Variants in ANKRD36 observed in about 807,000 individuals in gnomAD.
ANKRD36 encodes the protein ankyrin repeat domain 36.
In ANKRD36, 179 loss-of-function variants were observed where a neutral mutation model predicts 278.1. The ratio of observed to expected loss-of-function variants is 0.64; its 90% CI spans 0.57 to 0.73. The LOEUF is 0.73. Among genes scored for constraint, ANKRD36 ranks in the 30% least tolerant of loss-of-function variants. The pLI is 0.00. For missense variants in ANKRD36, 1,159 were observed against 1,956.7 expected (o/e 0.59, Z 7.69); for synonymous variants, 320 against 641.1 (o/e 0.50, Z 7.57).
At chr2:97,179,033 G>A (rs966432722) in intron 22 of ANKRD36, among the ~76,000 whole-genome samples, 8 of 151,392 alleles carry the variant, frequency 5.3e-5, no homozygotes, top group Middle Eastern at 3.2e-3. Context: ...GTCAAATTTG[G>A]TAATTTATTA....
intron 5 of ANKRD36, among the ~76,000 whole-genome samples, chr2:97,125,981 C>T (rs1468950720): frequency 6.9e-6 from 1 of 145,528 alleles, no homozygotes; most frequent in African/African-American, 2.5e-5. Flanking sequence ...TTTGCAGTCA[C>T]GGGAAGGTCA....
intron 24 of ANKRD36, among the ~76,000 whole-genome samples, chr2:97,180,298 A>G (rs183611797): frequency 6.6e-6 from 1 of 151,606 alleles, no homozygotes; most frequent in Admixed American, 6.6e-5. Context: ...TCATATTGTT[A>G]TCAACAGAGG....
intron 32 of ANKRD36, 57 bp downstream of exon 32, chr2:97,187,458 C>G (rs1233170295): frequency 5.1e-6 from 5 of 989,808 alleles, no homozygotes; most frequent in Admixed American, 2.5e-5. Flanking sequence ...AAGAACTTCT[C>G]TACCCCTAAT....
intron 64 of ANKRD36, among the ~76,000 whole-genome samples, chr2:97,218,369 G>A (rs1282705859): frequency 6.9e-6 from 1 of 144,526 alleles, no homozygotes; most frequent in Non-Finnish European, 1.5e-5. Flanking sequence ...CTTTTTGATG[G>A]GGTTTATATA....
intron 38 of ANKRD36, among the ~76,000 whole-genome samples, chr2:97,193,518 G>A (rs1325818041): frequency 9.0e-4 from 116 of 128,570 alleles, no homozygotes; most frequent in Non-Finnish European, 1.7e-3. Flanking sequence ...GGATTGTGAG[G>A]CAGGAAGGTG....
intron 68 of ANKRD36, among the ~76,000 whole-genome samples, chr2:97,235,464 C>A (rs2073415426): frequency 7.0e-6 from 1 of 142,536 alleles, no homozygotes; most frequent in Non-Finnish European, 1.5e-5. Flanking sequence ...GTCAAACCAC[C>A]TTAAGTTGGG....
chr2:97,203,087 G>T (rs1248983747), intron 48 of ANKRD36, among the ~76,000 whole-genome samples: 10 of 151,806 alleles, frequency 6.6e-5, no homozygotes, highest in Non-Finnish European at 1.5e-5. Flanking sequence ...ATGTTTTGTT[G>T]ATTTTAGTTA....
intron 67 of ANKRD36, among the ~76,000 whole-genome samples, chr2:97,231,467 C>T (rs1342555796): frequency 5.3e-5 from 8 of 152,154 alleles, no homozygotes; most frequent in African/African-American, 1.7e-4. Flanking sequence ...CCTGGTGTGC[C>T]GTTTTTTAAG....
intron 57 of ANKRD36, 28 bp downstream of exon 57, chr2:97,211,602 A>G: frequency 1.9e-6 from 3 of 1,605,544 alleles, no homozygotes; most frequent in East Asian, 2.3e-5. Flanking sequence ...TATATTTTGA[A>G]CTATTAACTG....
At chr2:97,209,224 G>T (rs1321387403) in intron 54 of ANKRD36, among the ~76,000 whole-genome samples, 7 of 146,630 alleles carry the variant, frequency 4.8e-5, no homozygotes, top group Non-Finnish European at 3.0e-5. Context: ...TTGTAATTGT[G>T]TGCCTTCTCA....
At chr2:97,199,908 C>T (rs1246810302) in intron 44 of ANKRD36, among the ~76,000 whole-genome samples, 1 of 151,876 alleles carries the variant, frequency 6.6e-6, no homozygotes, top group Non-Finnish European at 1.5e-5. Context: ...AGTTAAAGAG[C>T]ATGATGAATG....
chr2:97,179,326 G>A (rs2123122), intron 22 of ANKRD36, among the ~76,000 whole-genome samples: 43 of 151,712 alleles, frequency 2.8e-4, no homozygotes, highest in African/African-American at 9.2e-4. Flanking sequence ...GCAGTAAAAT[G>A]TTCCAAATCA....
chr2:97,185,133 T>G (rs914689226), intron 28 of ANKRD36, among the ~76,000 whole-genome samples, 183 bp from the exon 29 acceptor site: 2 of 151,828 alleles, frequency 1.3e-5, no homozygotes, highest in African/African-American at 4.8e-5. Context: ...GGGTTTATTT[T>G]GTGAAACCTG....
intron 54 of ANKRD36, among the ~76,000 whole-genome samples, chr2:97,208,898 G>T (rs1374252462): frequency 6.8e-6 from 1 of 146,684 alleles, no homozygotes; most frequent in Non-Finnish European, 1.5e-5. Context: ...AATGAATATT[G>T]CAGTGATTTC....
intron 48 of ANKRD36, among the ~76,000 whole-genome samples, 187 bp downstream of exon 48, chr2:97,202,580 A>G (rs1322141090): frequency 6.6e-6 from 1 of 151,806 alleles, no homozygotes; most frequent in African/African-American, 2.4e-5. Context: ...CTTCGCTGTA[A>G]GATTATACAC....
At chr2:97,150,328 T>A (rs2045572239) in intron 12 of ANKRD36, among the ~76,000 whole-genome samples, 1 of 151,922 alleles carries the variant, frequency 6.6e-6, no homozygotes, top group South Asian at 2.1e-4. Flanking sequence ...TTCAGAGGCT[T>A]TTGTGCTTAG....
chr2:97,226,884 T>A lies in ANKRD36; in HGVS notation c.3951+2005T>A, dbSNP rs1478729731. Among the ~76,000 whole-genome samples the A allele has an allele frequency of 9.9e-5, 15 of 152,000 alleles. No homozygotes were observed. The South Asian group carries it at 2.3e-3, about 24-fold the overall frequency. On this transcript the variant is annotated intron_variant, in intron 67 of 75. Transcript: ENST00000420699. ...CCAGCACCATTTATTAAATAGGGAATCCTTTCCCCGTTGCTTGTTTTTCTC... is the reference window on the plus strand; with the variant it reads ...CCAGCACCATTTATTAAATAGGGAAACCTTTCCCCGTTGCTTGTTTTTCTC...
At chr2:97,152,151 C>A (rs967887935) in intron 13 of ANKRD36, among the ~76,000 whole-genome samples, 2 of 147,826 alleles carry the variant, frequency 1.4e-5, no homozygotes, top group African/African-American at 4.8e-5. Context: ...CACCACCACA[C>A]CTGGCTAATT....
At chr2:97,226,723 T>A (rs2069798536) in intron 67 of ANKRD36, among the ~76,000 whole-genome samples, 1 of 151,746 alleles carries the variant, frequency 6.6e-6, no homozygotes, top group Non-Finnish European at 1.5e-5. Context: ...TGAATGGTAA[T>A]GCCTAGGTTT....
Sources: allele counts gnomAD v4.1 joint callset (sites outside exome capture counted in the v4.1 genomes callset), GRCh38; gene constraint gnomAD v4.1.1; transcripts MANE v1.5; gene names NCBI Gene and HGNC (gene_info 2026-07-23, HGNC 2026-07-21).